Variants in TYRP1 observed in about 807,000 individuals in gnomAD.
TYRP1 encodes the protein tyrosinase related protein 1, also known as 5,6-dihydroxyindole-2-carboxylic acid oxidase.
TYRP1 carries 49 observed loss-of-function variants against 42.8 expected under a neutral mutation model. The observed-to-expected ratio is 1.14, with a 90% CI of 0.91 to 1.45. TYRP1 has a LOEUF of 1.45. TYRP1 is among the 40% of genes most tolerant of loss of function. TYRP1 has a pLI of 0.00. For synonymous variants in TYRP1, 279 were observed against 235.4 expected, an observed-to-expected ratio of 1.19 and a Z score of -1.69; for missense variants, 848 against 662.0, an observed-to-expected ratio of 1.28 and a Z score of -3.08.
chr9:12,698,238 C>T (rs1450485509), intron 3 of TYRP1, among the ~76,000 whole-genome samples: 1 of 152,000 alleles, frequency 6.6e-6, no homozygotes, highest in African/African-American at 2.4e-5. Flanking sequence ...AGTTTCATTC[C>T]CTCTAATGCC....
chr9:12,694,421 G>A (rs1354738409), intron 2 of TYRP1, 40 bp downstream of exon 2: 5 of 1,609,264 alleles, frequency 3.1e-6, no homozygotes, highest in Non-Finnish European at 4.2e-6. Context: ...TCCTGCATGA[G>A]ACTCAAGGCT....
rs758302704 is a variant in TYRP1, at chr9:12,702,445, A to AAAT, written c.1081+8_1081+10dup. ...TTCCGAAACACAGTGGAAGGCAAGT[A>AAAT]AATGAAATCAGTATTTTTAAAAGAT... On this transcript the variant is annotated splice_region_variant and intron_variant, in intron 5 of 7. Coordinates refer to ENST00000388918, the MANE Select transcript of TYRP1 (RefSeq NM_000550.3). The AAAT allele has an allele frequency of 1.1e-5, 18 of 1,612,064 alleles. 1 individual carries two copies. The South Asian group carries it at 1.4e-4, about 13-fold the overall frequency.
chr9:12,694,998 C>A (rs188765138), intron 2 of TYRP1, among the ~76,000 whole-genome samples: 1 of 152,066 alleles, frequency 6.6e-6, no homozygotes, highest in Non-Finnish European at 1.5e-5. Flanking sequence ...ATGAGTTAGG[C>A]CTTGGGCTAA....
rs986801035 is a variant in TYRP1, at chr9:12,709,753, T to A, written c.*571T>A. 1 of 154,498 alleles carries A rather than the reference T, an allele frequency of 6.5e-6. No homozygotes were observed. The highest frequency in any genetic ancestry group is 1.4e-5 in the Non-Finnish European group (1 of 69,524). 9.6% of individuals were successfully genotyped at this position (154,498 alleles called of 1,614,324 possible). On this transcript the variant is annotated 3_prime_UTR_variant, in exon 8 of 8. Transcript: ENST00000388918. ...AATATATTATTTAGTCAACATATAC[T>A]ATTTAGTCTCAGGTTCAAGGCTACA...
In TYRP1 at chr9:12,709,116, T is replaced by C. The variant is rs41314616; in HGVS notation, c.1548T>C (p.Thr516=). 3.1e-6 allele frequency: 5 copies of C among 1,612,758 alleles called. No individual in the cohort carries two copies. The African/African-American group carries it at 5.3e-5, about 17-fold the overall frequency. ...SMDEANQPLL[T]DQYQCYAEEY... ...ATGAAGCTAACCAGCCTCTCCTCAC[T>C]GATCAGTATCAATGCTATGCTGAAG... Residue 516 remains threonine, a synonymous_variant, in exon 8 of 8, where the codon ACT becomes ACC. Transcript: ENST00000388918.
At chr9:12,694,717 A>G (rs866563043) in intron 2 of TYRP1, among the ~76,000 whole-genome samples, 1 of 152,192 alleles carries the variant, frequency 6.6e-6, no homozygotes, top group Admixed American at 6.5e-5. Flanking sequence ...AGAAAGTTCA[A>G]ATCCACACAG....
rs766836831 is a variant in TYRP1 at position 12,693,927 on chromosome 9, C to T, written c.-70C>T. 2.8e-5 allele frequency: 45 copies of T among 1,595,696 alleles called. No individual in the cohort carries two copies. The highest frequency in any genetic ancestry group is 8.4e-5 in the Admixed American group (5 of 59,380). ...TCTTTTTCAGCTGGATTTTCCTCTA[C>T]GTGCTTCAGTCTTCTCTACACAAAG... On this transcript the variant is annotated 5_prime_UTR_variant, in exon 2 of 8. It adds an upstream start codon to the 5' untranslated region. Transcript: ENST00000388918.
In TYRP1 at chr9:12,693,968, C is replaced by A; in HGVS notation, c.-29C>A. ...CTACACAAAGAGCTGCAAACCAGGT[C>A]TTTGTTTTGCACTCTTATTTCAAGC... On this transcript the variant is annotated 5_prime_UTR_variant, in exon 2 of 8. Coordinates refer to ENST00000388918, the MANE Select transcript of TYRP1 (RefSeq NM_000550.3). The A allele has an allele frequency of 6.2e-7, 1 of 1,613,128 alleles. No homozygotes were observed. Among genetic ancestry groups the A allele is most frequent in the South Asian group, 1.1e-5 (1 of 90,930 alleles).
At position 12,710,076 on chromosome 9, in the gene TYRP1, A is replaced by ATTT. The variant is rs1818334832; in HGVS notation, c.*895_*896insTTT. On this transcript the variant is annotated 3_prime_UTR_variant, in exon 8 of 8. Coordinates refer to ENST00000388918, the MANE Select transcript of TYRP1 (RefSeq NM_000550.3). ...GCCTTTTATGTATTTTCCAAGTAAA[A>ATTT]TATTAACATATTATTTCATTGGTCT... 1 of 151,784 alleles carries ATTT rather than the reference A, an allele frequency of 6.6e-6. No individual in the cohort carries two copies. Among genetic ancestry groups the ATTT allele is most frequent in the South Asian group, 2.1e-4 (1 of 4,824 alleles). The allele number at this position is 151,784 out of a possible 1,614,324, so 9.4% of individuals were successfully genotyped here.
At position 12,694,336 on chromosome 9, in the gene TYRP1, C is replaced by A; in HGVS notation, c.340C>A (p.Arg114Ser). Residue 114 changes from arginine (R) to serine (S), a missense_variant, in exon 2 of 8, where the codon CGT becomes AGT. Transcript: ENST00000388918. ...CTCAGGACACAACTGTGGGACGTGC[C>A]GTCCTGGCTGGAGAGGAGCTGCCTG... ...NFSGHNCGTC[R>S]PGWRGAACDQ... 1.9e-6 allele frequency: 3 copies of A among 1,613,984 alleles called. No individual in the cohort carries two copies. The highest frequency in any genetic ancestry group is 2.5e-6 in the Non-Finnish European group (3 of 1,179,996).
At chr9:12,708,268 A>ACTT (rs1470973862) in intron 7 of TYRP1, 125 bp downstream of exon 7, 1 of 1,205,892 alleles carries the variant, frequency 8.3e-7, no homozygotes, top group East Asian at 2.5e-5. Flanking sequence ...TTTCATTTGT[A>ACTT]CTTTTATTTG....
At chr9:12,708,589 A>AT (rs1299395590) in intron 7 of TYRP1, among the ~76,000 whole-genome samples, 1 of 151,958 alleles carries the variant, frequency 6.6e-6, no homozygotes, top group East Asian at 1.9e-4. Flanking sequence ...TTTTTCTGAG[A>AT]TTTTGAAGTT....
At chr9:12,695,909 A>G in intron 3 of TYRP1, 72 bp downstream of exon 3, 1 of 1,509,004 alleles carries the variant, frequency 6.6e-7, no homozygotes, top group Non-Finnish European at 9.1e-7. Context: ...ATTTTAATTC[A>G]CTAGTTTTCA....
intron 5 of TYRP1, 25 bp downstream of exon 5, chr9:12,702,463 TA>T (rs1563855150): frequency 2.5e-5 from 40 of 1,608,090 alleles, no homozygotes; most frequent in Middle Eastern, 3.3e-4. Context: ...TCAGTATTTT[TA>T]AAAGATCTAG....
intron 5 of TYRP1, among the ~76,000 whole-genome samples, chr9:12,703,880 T>C (rs1374276980): frequency 2.5e-5 from 2 of 80,568 alleles, no homozygotes; most frequent in Non-Finnish European, 5.2e-5. Flanking sequence ...AATATATATA[T>C]ATATGTGTGT....
intron 7 of TYRP1, among the ~76,000 whole-genome samples, 186 bp downstream of exon 7, chr9:12,708,329 A>G (rs1818295034): frequency 6.6e-6 from 1 of 151,990 alleles, no homozygotes; most frequent in East Asian, 1.9e-4. Context: ...CTAAGCTGAT[A>G]TTGATCTTAT....
intron 7 of TYRP1, 28 bp downstream of exon 7, chr9:12,708,171 T>C (rs1218398221): frequency 1.2e-6 from 2 of 1,611,640 alleles, no homozygotes; most frequent in Admixed American, 1.7e-5. Context: ...ATTTTTACTG[T>C]GATAATTTCC....
At chr9:12,707,831 T>G in intron 6 of TYRP1, 166 bp from the exon 7 acceptor site, 1 of 643,630 alleles carries the variant, frequency 1.6e-6, no homozygotes, top group Non-Finnish European at 2.6e-6. Flanking sequence ...CTGTTTTATG[T>G]AATTTCTCAT....
rs990962626 is a variant in TYRP1, at chr9:12,709,325, T to G, written c.*143T>G. ...GTTAGCATTAAAGTTCTAGGCATAC[T>G]TTTCAAAGCTGGGAAGACCCTTTCA... is the stretch of plus-strand genomic sequence containing the variant. On this transcript the variant is annotated 3_prime_UTR_variant, in exon 8 of 8. Transcript: ENST00000388918. 2 of 862,124 alleles carry G rather than the reference T, an allele frequency of 2.3e-6. No individual in the cohort carries two copies. Among genetic ancestry groups the G allele is most frequent in the African/African-American group, 3.4e-5 (2 of 58,938 alleles). 53.4% of individuals were successfully genotyped at this position (862,124 alleles called of 1,614,324 possible).
Sources: allele counts gnomAD v4.1 joint callset (sites outside exome capture counted in the v4.1 genomes callset), GRCh38; gene constraint gnomAD v4.1.1; transcripts MANE v1.5; gene names NCBI Gene and HGNC (gene_info 2026-07-23, HGNC 2026-07-21).